Variants in CCNY observed in about 807,000 individuals in gnomAD.
CCNY encodes the protein cyclin Y, also known as cyclin-Y.
In CCNY, 19 loss-of-function variants were observed where a neutral mutation model predicts 42.8. That is an observed-to-expected ratio of 0.44 (90% confidence interval 0.31 to 0.65). The LOEUF is 0.65. Ranked by LOEUF, CCNY falls within the 30% of genes least tolerant of loss-of-function variation. CCNY has a pLI of 0.07. For missense variants in CCNY, 370 were observed against 437.3 expected, an observed-to-expected ratio of 0.85 and a Z score of 1.37; for synonymous variants, 165 against 162.7, an observed-to-expected ratio of 1.01 and a Z score of -0.11.
chr10:35,507,446 A>AT (rs1463400954), intron 3 of CCNY, among the ~76,000 whole-genome samples: 1 of 151,944 alleles, frequency 6.6e-6, no homozygotes, highest in African/African-American at 2.4e-5. Flanking sequence ...GTCTTTTATT[A>AT]TTTTTTCTGA....
intron 1 of CCNY, among the ~76,000 whole-genome samples, chr10:35,400,257 C>T (rs969692171): frequency 7.3e-6 from 1 of 136,254 alleles, no homozygotes; most frequent in African/African-American, 2.8e-5. Flanking sequence ...TAGAATCTCC[C>T]TAGCACAGTG....
At chr10:35,440,679 A>G (rs573322886) in intron 1 of CCNY, among the ~76,000 whole-genome samples, 1 of 152,328 alleles carries the variant, frequency 6.6e-6, no homozygotes, top group South Asian at 2.1e-4. Context: ...GAACTTCAGA[A>G]TCAGCTCCTA....
chr10:35,525,832 A>T (rs549812322), intron 4 of CCNY, 132 bp from the exon 5 acceptor site: 2 of 674,746 alleles, frequency 3.0e-6, no homozygotes, highest in East Asian at 5.6e-5. Flanking sequence ...ATTGTGAATG[A>T]GATGGGACTG....
rs558877337 is a variant in CCNY at position 35,409,596 on chromosome 10, T to C, written c.154+72389T>C. Among the ~76,000 whole-genome samples, 7 of 152,304 alleles carry C rather than the reference T, an allele frequency of 4.6e-5. No individual in the cohort carries two copies. The South Asian group carries it at 1.4e-3, about 32-fold the overall frequency. On this transcript the variant is annotated intron_variant, in intron 1 of 9. Transcript: ENST00000374704. Reference sequence around the variant, plus strand: ...GAGAGGGAAAAGAAAAATGCAATTCTAAAATTAAAAAGAAAACCTTAATTT... The same window carrying C: ...GAGAGGGAAAAGAAAAATGCAATTCCAAAATTAAAAAGAAAACCTTAATTT...
chr10:35,288,801 C>T (rs1835381948), intron 3 of CCNY, among the ~76,000 whole-genome samples: 1 of 152,182 alleles, frequency 6.6e-6, no homozygotes, highest in Admixed American at 6.5e-5. Context: ...TCAATATTCA[C>T]CAATGTATGA....
chr10:35,334,569 T>A (rs1200861384), upstream of CCNY, among the ~76,000 whole-genome samples: 2 of 152,226 alleles, frequency 1.3e-5, no homozygotes, highest in African/African-American at 2.4e-5. Flanking sequence ...ACTGTTGTTG[T>A]CTACCCACCC....
chr10:35,248,848 AAAAG>A, intron 2 of CCNY, among the ~76,000 whole-genome samples: 1 of 152,316 alleles, frequency 6.6e-6, no homozygotes, highest in South Asian at 2.1e-4. Context: ...CTAAAAAAGA[AAAAG>A]AAAATCAAAC....
intron 3 of CCNY, among the ~76,000 whole-genome samples, chr10:35,284,860 T>G (rs1835336083): frequency 6.6e-6 from 1 of 152,166 alleles, no homozygotes; most frequent in East Asian, 1.9e-4. Context: ...CCTTGGAACT[T>G]CCTCTTTGAT....
intron 2 of CCNY, among the ~76,000 whole-genome samples, chr10:35,490,127 A>G (rs906595946): frequency 6.6e-6 from 1 of 152,164 alleles, no homozygotes; most frequent in Non-Finnish European, 1.5e-5. Context: ...ACTCAAATAT[A>G]TGTTGAATGG....
chr10:35,354,020 C>T (rs987140435), intron 1 of CCNY, among the ~76,000 whole-genome samples: 11 of 152,084 alleles, frequency 7.2e-5, no homozygotes, highest in African/African-American at 1.4e-4. Flanking sequence ...GGCTCACTTA[C>T]GTGGCCAATG....
At chr10:35,248,788 G>A (rs866568579) in intron 2 of CCNY, among the ~76,000 whole-genome samples, 9 of 152,282 alleles carry the variant, frequency 5.9e-5, no homozygotes, top group African/African-American at 9.6e-5. Flanking sequence ...GCAGTGAGCC[G>A]TGCTCATGCC....
chr10:35,537,579 C>T (rs371100436), intron 7 of CCNY, among the ~76,000 whole-genome samples: 12 of 152,290 alleles, frequency 7.9e-5, no homozygotes, highest in African/African-American at 2.4e-4. Context: ...TTTGGATCAG[C>T]GTGACCTGGA....
At chr10:35,371,409 T>G (rs922905395) in intron 1 of CCNY, among the ~76,000 whole-genome samples, 6 of 152,210 alleles carry the variant, frequency 3.9e-5, no homozygotes, top group Admixed American at 3.3e-4. Flanking sequence ...TGCTTTTAGG[T>G]CCATCTTTCA....
At chr10:35,249,627 G>A (rs1295838316) in intron 2 of CCNY, among the ~76,000 whole-genome samples, 1 of 152,236 alleles carries the variant, frequency 6.6e-6, no homozygotes, top group African/African-American at 2.4e-5. Context: ...TGCAGAAAGT[G>A]TGGTTTAGGA....
chr10:35,501,376 T>G (rs1257062107), intron 2 of CCNY, 125 bp from the exon 3 acceptor site: 1 of 746,378 alleles, frequency 1.3e-6, no homozygotes, highest in Non-Finnish European at 2.4e-6. Context: ...GTTTGATAAA[T>G]GAGCAAGTGG....
intron 3 of CCNY, among the ~76,000 whole-genome samples, chr10:35,506,352 G>C (rs1272329290): frequency 6.6e-6 from 1 of 152,128 alleles, no homozygotes; most frequent in Non-Finnish European, 1.5e-5. Context: ...GCTTCACCCA[G>C]GGATGTTGAC....
At chr10:35,281,338 G>A (rs932920468) in intron 3 of CCNY, among the ~76,000 whole-genome samples, 3 of 151,674 alleles carry the variant, frequency 2.0e-5, no homozygotes, top group African/African-American at 4.8e-5. Flanking sequence ...TGACTCTGTC[G>A]CCCAGGGTGG....
intron 1 of CCNY, among the ~76,000 whole-genome samples, chr10:35,398,579 A>T (rs914585378): frequency 2.0e-5 from 3 of 151,746 alleles, no homozygotes; most frequent in Non-Finnish European, 2.9e-5. Flanking sequence ...CGGTGGTAGA[A>T]ATCGTTTACC....
intron 5 of CCNY, among the ~76,000 whole-genome samples, chr10:35,529,057 G>A (rs948902789): frequency 1.1e-4 from 16 of 152,276 alleles, no homozygotes; most frequent in African/African-American, 3.6e-4. Flanking sequence ...GAGGGTCCCC[G>A]CAGAGCCCAG....
Sources: allele counts gnomAD v4.1 joint callset (sites outside exome capture counted in the v4.1 genomes callset), GRCh38; gene constraint gnomAD v4.1.1; transcripts MANE v1.5; gene names NCBI Gene and HGNC (gene_info 2026-07-23, HGNC 2026-07-21).